The following HMCN1 variants were observed in gnomAD, a reference collection of about 807,000 sequenced individuals.
HMCN1 encodes hemicentin-1.
Under a neutral mutation model 625.9 loss-of-function variants are expected in HMCN1, and 321 were observed. That is an observed-to-expected ratio of 0.51 (90% CI 0.47 to 0.56). HMCN1 has a LOEUF of 0.56. Ranked by LOEUF, HMCN1 falls within the 20% of genes least tolerant of loss-of-function variation. The pLI is 0.00. For missense variants in HMCN1, 6,588 were observed against 6,887.3 expected (o/e 0.96, Z 1.54); for synonymous variants, 2,425 against 2,417.6 (o/e 1.00, Z -0.09).
intron 1 of HMCN1, among the ~76,000 whole-genome samples, chr1:185,813,036 C>A (rs1659625078): frequency 1.3e-5 from 2 of 152,120 alleles, no homozygotes; most frequent in Non-Finnish European, 2.9e-5. Flanking sequence ...TAGTGACTAC[C>A]TAAATAGATA....
At chr1:185,971,492 A>G (rs528776447) in intron 15 of HMCN1, among the ~76,000 whole-genome samples, 38 of 152,324 alleles carry the variant, frequency 2.5e-4, no homozygotes, top group Admixed American at 1.8e-3. Flanking sequence ...AGATAATTTA[A>G]TATTTGTGTC....
intron 1 of HMCN1, among the ~76,000 whole-genome samples, chr1:185,770,080 G>T (rs1033132597): frequency 5.3e-5 from 8 of 152,072 alleles, no homozygotes; most frequent in African/African-American, 1.9e-4. Context: ...AGCTATTTTT[G>T]CAATCTTCTA....
At chr1:185,887,568 T>A (rs577701353) in intron 4 of HMCN1, among the ~76,000 whole-genome samples, 1 of 151,692 alleles carries the variant, frequency 6.6e-6, no homozygotes, top group East Asian at 1.9e-4. Flanking sequence ...TTTGGTTTTT[T>A]GTTCTTGCGA....
In HMCN1 at chr1:186,171,388, C is replaced by T. The variant is rs1253536947; in HGVS notation, c.15626C>T (p.Ala5209Val). Reference protein sequence around the residue: ...SSPCHQRCFNAIGSFHCGCEP... With the variant: ...SSPCHQRCFNVIGSFHCGCEP... Reference sequence around the variant, plus strand: ...CCCTGTCACCAGCGCTGTTTCAATGCCATAGGAAGTTTCCATTGTGGATGT... The same window carrying T: ...CCCTGTCACCAGCGCTGTTTCAATGTCATAGGAAGTTTCCATTGTGGATGT... The change falls in exon 101 of 107, where the codon GCC becomes GTC. Residue 5209 changes from alanine to valine, a missense_variant. By Grantham distance (64) the Ala-to-Val change is moderately conservative. This residue lies in a region of HMCN1 where 1,954 missense variants were observed against 2,013.1 expected (regional missense o/e 0.97). Coordinates refer to ENST00000271588, the MANE Select transcript of HMCN1 (RefSeq NM_031935.3). The T allele has an allele frequency of 2.5e-6, 4 of 1,613,496 alleles. No individual in the cohort carries two copies. Among genetic ancestry groups the T allele is most frequent in the Middle Eastern group, 1.7e-4 (1 of 6,054 alleles).
rs187421415 is a variant in HMCN1 at position 186,004,266 on chromosome 1, C to G, written c.4475+422C>G. Among the ~76,000 whole-genome samples the G allele has an allele frequency of 1.2e-4, 19 of 152,272 alleles. No homozygotes were observed. In the East Asian group the frequency reaches 1.3e-3, roughly 11 times the overall value. ...AGGAACTACAGATATTTCTCCAACT[C>G]CAGATCTCAAGGACTGCTGAGGTGT... On this transcript the variant is annotated intron_variant, in intron 29 of 106. Transcript: ENST00000271588.
chr1:186,114,991 C>T (rs1461062990), intron 74 of HMCN1, 45 bp downstream of exon 74: 1 of 1,613,042 alleles, frequency 6.2e-7, no homozygotes, highest in Non-Finnish European at 8.5e-7. Context: ...GTGTCAAATG[C>T]TCTTTGATTG....
rs773464453 is a variant in HMCN1 at position 185,846,089 on chromosome 1, A to G, written c.332A>G (p.Tyr111Cys). 3 of 1,608,638 alleles carry G rather than the reference A, an allele frequency of 1.9e-6. No individual in the cohort carries two copies. Among genetic ancestry groups the G allele is most frequent in the Non-Finnish European group, 2.6e-6 (3 of 1,175,228 alleles). The change falls in exon 2 of 107, where the codon TAT becomes TGT. Residue 111 changes from tyrosine (Y) to cysteine (C), a missense_variant. By Grantham distance (194) the Tyr-to-Cys change is radical. Transcript: ENST00000271588. Reference sequence around the variant, plus strand: ...TTTCAATATGAACTCAGAGAACTGTATGTTCAGGTGAGTGCTTGCTTTCAG... The same window carrying G: ...TTTCAATATGAACTCAGAGAACTGTGTGTTCAGGTGAGTGCTTGCTTTCAG... ...KKFQYELREL[Y>C]VQGGGDCPEM...
intron 100 of HMCN1, 72 bp from the exon 101 acceptor site, chr1:186,171,265 A>G: frequency 9.2e-7 from 1 of 1,082,336 alleles, no homozygotes; most frequent in South Asian, 1.3e-5. Context: ...CAAGATCATT[A>G]AAATGTTAAA....
At chr1:185,883,879 A>ATTTTTTTTTTTTTTT (rs1205211897) in intron 4 of HMCN1, among the ~76,000 whole-genome samples, 1 of 55,934 alleles carries the variant, frequency 1.8e-5, no homozygotes, top group Non-Finnish European at 3.7e-5. Flanking sequence ...ATAGGTCATG[A>ATTTTTTTTTTTTTTT]TTTTTTTTTT....
intron 2 of HMCN1, among the ~76,000 whole-genome samples, chr1:185,850,717 G>T (rs866911806): frequency 1.3e-5 from 2 of 152,006 alleles, no homozygotes; most frequent in South Asian, 2.1e-4. Flanking sequence ...TGCAGTAAAA[G>T]CTGGGGTCTA....
chr1:185,954,436 C>A (rs1649471104), intron 11 of HMCN1, among the ~76,000 whole-genome samples: 1 of 152,012 alleles, frequency 6.6e-6, no homozygotes, highest in Non-Finnish European at 1.5e-5. Flanking sequence ...TTCCTTATTG[C>A]ATAAACGTAT....
intron 4 of HMCN1, among the ~76,000 whole-genome samples, chr1:185,880,961 A>T (rs1664267958): frequency 6.6e-6 from 1 of 152,232 alleles, no homozygotes; most frequent in African/African-American, 2.4e-5. Flanking sequence ...CAGGAGCCAG[A>T]GCGAGTGCTT....
chr1:186,110,974 A>ATTTTTTTTTTTT (rs778503338), intron 71 of HMCN1, among the ~76,000 whole-genome samples: 29 of 59,930 alleles, frequency 4.8e-4, no homozygotes, highest in African/African-American at 2.2e-3. Flanking sequence ...ACCAGAGAAA[A>ATTTTTTTTTTTT]TTCTTTTTTT....
intron 11 of HMCN1, among the ~76,000 whole-genome samples, chr1:185,950,006 C>T (rs1668559952): frequency 2.6e-5 from 4 of 151,810 alleles, no homozygotes; most frequent in Non-Finnish European, 1.5e-5. Context: ...CCTGCCTTTG[C>T]TGGTGTGTGG....
chr1:185,793,541 T>A (rs1345946596), intron 1 of HMCN1, among the ~76,000 whole-genome samples: 1 of 152,214 alleles, frequency 6.6e-6, no homozygotes, highest in East Asian at 1.9e-4. Flanking sequence ...TAAAGTTACA[T>A]ATTCATAGGT....
chr1:186,026,509 A>G (rs1655065102), intron 36 of HMCN1, among the ~76,000 whole-genome samples: 2 of 152,210 alleles, frequency 1.3e-5, no homozygotes, highest in Non-Finnish European at 1.5e-5. Flanking sequence ...TATTGCATAC[A>G]ATTCTTGTTC....
chr1:185,885,463 T>C, intron 4 of HMCN1, among the ~76,000 whole-genome samples: 1 of 152,080 alleles, frequency 6.6e-6, no homozygotes, highest in Middle Eastern at 3.4e-3. Context: ...CATAGGTAAA[T>C]ATTATTTCCT....
Position 185,987,617 on chromosome 1 carries a change from G to T in HMCN1, c.3048+73G>T, listed in dbSNP as rs948906907. 1.4e-4 allele frequency: 141 copies of T among 1,030,546 alleles called. 1 individual carries two copies. The South Asian group carries it at 1.7e-3, about 13-fold the overall frequency. The allele number at this position is 1,030,546 out of a possible 1,614,324, so 63.8% of individuals were successfully genotyped here. On this transcript the variant is annotated intron_variant, in intron 20 of 106. Transcript: ENST00000271588. ...TCACCTGCAAGTTATCCCTAGTCTT[G>T]AGCAGGAGGCTCAGGAGTGGGGCAT...
In HMCN1 at chr1:186,042,138, C is replaced by T. The variant is rs561706288; in HGVS notation, c.6304+1002C>T. ...GGCATCGGTACACTAGCAAAGGGTTCTCTATGTTCCCTTTCTTTTCTGTTG... is the reference window on the plus strand; with the variant it reads ...GGCATCGGTACACTAGCAAAGGGTTTTCTATGTTCCCTTTCTTTTCTGTTG... On this transcript the variant is annotated intron_variant, in intron 40 of 106. Coordinates refer to ENST00000271588, the MANE Select transcript of HMCN1 (RefSeq NM_031935.3). Among the ~76,000 whole-genome samples the T allele has an allele frequency of 2.0e-5, 3 of 152,266 alleles. No homozygotes were observed. In the East Asian group the frequency reaches 5.8e-4, roughly 29 times the overall value.
Sources: allele counts gnomAD v4.1 joint callset (sites outside exome capture counted in the v4.1 genomes callset), GRCh38; gene constraint gnomAD v4.1.1; regional missense constraint gnomAD v4.1.1; transcripts MANE v1.5; gene names NCBI Gene and HGNC (gene_info 2026-07-23, HGNC 2026-07-21).